The following CNTNAP2 variants were observed in gnomAD, a reference collection of about 807,000 sequenced individuals.
The protein encoded by CNTNAP2 is contactin-associated protein-like 2.
CNTNAP2 carries 98 observed loss-of-function variants against 155.2 expected under a neutral mutation model. That is an observed-to-expected ratio of 0.63 (90% CI 0.54 to 0.75). The LOEUF (loss-of-function observed/expected upper bound fraction) is 0.75, where lower values mean the gene tolerates loss of function less well. Among genes scored for constraint, CNTNAP2 ranks in the 30% least tolerant of loss-of-function variants. The pLI is 0.00. For missense variants in CNTNAP2, 1,727 were observed against 1,688.1 expected (o/e 1.02, Z -0.40); for synonymous variants, 651 against 631.2 (o/e 1.03, Z -0.47).
intron 13 of CNTNAP2, among the ~76,000 whole-genome samples, chr7:147,775,582 G>A (rs1220018243): frequency 6.8e-6 from 1 of 146,652 alleles, no homozygotes; most frequent in Non-Finnish European, 1.5e-5. Context: ...TTATTGTGGG[G>A]ATCAGAAAAG....
In CNTNAP2 at chr7:146,918,035, AC is replaced by A. The variant is rs1226129094; in HGVS notation, c.402+78133del. ...CTTTTGGTGTTCATTTGCATGAAAT[AC>A]CTTTTTCCACCCCTTTACCTTAAGT... On this transcript the variant is annotated intron_variant, in intron 3 of 23. Coordinates refer to ENST00000361727, the MANE Select transcript of CNTNAP2 (RefSeq NM_014141.6). 2.0e-5 allele frequency among the ~76,000 whole-genome samples: 3 copies of A among 152,090 alleles called. No homozygotes were observed. The East Asian group carries it at 5.8e-4, about 29-fold the overall frequency.
intron 13 of CNTNAP2, among the ~76,000 whole-genome samples, chr7:147,706,233 TC>T: frequency 6.6e-6 from 1 of 151,746 alleles, no homozygotes; most frequent in Non-Finnish European, 1.5e-5. Context: ...GTGGGTTTTA[TC>T]CTTTCATGTG....
intron 3 of CNTNAP2, among the ~76,000 whole-genome samples, chr7:146,996,942 G>A (rs2129239975): frequency 6.6e-6 from 1 of 152,184 alleles, no homozygotes; most frequent in East Asian, 1.9e-4. Context: ...GTTTTATAAG[G>A]GGAGGCTCCT....
intron 2 of CNTNAP2, among the ~76,000 whole-genome samples, chr7:146,790,598 C>CT (rs1354002250): frequency 7.0e-6 from 1 of 143,528 alleles, no homozygotes; most frequent in Non-Finnish European, 1.5e-5. Flanking sequence ...AAGACGGAGT[C>CT]TCGCTCTGTC....
chr7:146,211,846 T>C (rs1799039895), intron 1 of CNTNAP2, among the ~76,000 whole-genome samples: 1 of 152,096 alleles, frequency 6.6e-6, no homozygotes, highest in South Asian at 2.1e-4. Context: ...AAGAATTTTC[T>C]GTAGAGTATA....
intron 15 of CNTNAP2, among the ~76,000 whole-genome samples, chr7:148,035,927 G>C (rs1802565898): frequency 6.6e-6 from 1 of 152,216 alleles, no homozygotes; most frequent in Admixed American, 6.5e-5. Context: ...TTATTCTGGA[G>C]TCTTAAGATT....
At chr7:147,695,282 A>T (rs1409012988) in intron 13 of CNTNAP2, among the ~76,000 whole-genome samples, 1 of 152,132 alleles carries the variant, frequency 6.6e-6, no homozygotes, top group Non-Finnish European at 1.5e-5. Flanking sequence ...TGAATATTTT[A>T]TGTGAGTCTG....
rs561886157 is a variant in CNTNAP2, at chr7:148,396,512, A to C, written c.3715+12624A>C. Reference sequence around the variant, plus strand: ...CCCAGGTGTGAATTCTCACAGGGGAATCTCTGTCAGTCACCACCTGGAAAT... The same window carrying C: ...CCCAGGTGTGAATTCTCACAGGGGACTCTCTGTCAGTCACCACCTGGAAAT... On this transcript the variant is annotated intron_variant, in intron 22 of 23. Coordinates refer to ENST00000361727, the MANE Select transcript of CNTNAP2 (RefSeq NM_014141.6). Among the ~76,000 whole-genome samples the C allele has an allele frequency of 5.3e-5, 8 of 152,124 alleles. No individual in the cohort carries two copies. The South Asian group carries it at 6.2e-4, about 12-fold the overall frequency.
intron 1 of CNTNAP2, among the ~76,000 whole-genome samples, chr7:146,288,047 G>T (rs1428834350): frequency 6.6e-6 from 1 of 152,070 alleles, no homozygotes; most frequent in Admixed American, 6.5e-5. Flanking sequence ...AGGAGCAGTG[G>T]CCCACACCCA....
intron 1 of CNTNAP2, among the ~76,000 whole-genome samples, chr7:146,208,488 T>C (rs1798983580): frequency 1.3e-5 from 2 of 152,078 alleles, no homozygotes; most frequent in Admixed American, 1.3e-4. Flanking sequence ...ACCCTTTGAT[T>C]TCTTGCTGAT....
intron 4 of CNTNAP2, among the ~76,000 whole-genome samples, chr7:147,068,268 T>G: frequency 6.6e-6 from 1 of 152,172 alleles, no homozygotes; most frequent in Non-Finnish European, 1.5e-5. Context: ...CCTTCTTGGG[T>G]TGGCCAATCA....
At chr7:147,404,287 A>T (rs911493428) in intron 10 of CNTNAP2, among the ~76,000 whole-genome samples, 5 of 152,208 alleles carry the variant, frequency 3.3e-5, no homozygotes, top group African/African-American at 1.2e-4. Context: ...TTCTGAAAGA[A>T]CTTGAGCCAA....
At chr7:146,664,488 C>T (rs1212327353) in intron 1 of CNTNAP2, among the ~76,000 whole-genome samples, 1 of 151,970 alleles carries the variant, frequency 6.6e-6, no homozygotes, top group Non-Finnish European at 1.5e-5. Flanking sequence ...AATATAAAAT[C>T]AACACTGCAT....
chr7:147,780,808 C>T (rs1321216642), intron 13 of CNTNAP2, among the ~76,000 whole-genome samples: 3 of 152,172 alleles, frequency 2.0e-5, no homozygotes, highest in Admixed American at 1.3e-4. Flanking sequence ...AATAAGGCTT[C>T]AGGTATGTGC....
chr7:146,831,488 C>T (rs569240894), intron 2 of CNTNAP2, among the ~76,000 whole-genome samples: 11 of 151,810 alleles, frequency 7.2e-5, no homozygotes, highest in Admixed American at 6.6e-4. Context: ...CCAGCTTAGT[C>T]AACATGGTGA....
intron 1 of CNTNAP2, among the ~76,000 whole-genome samples, chr7:146,393,951 C>T (rs1795582786): frequency 6.6e-6 from 1 of 152,064 alleles, no homozygotes; most frequent in Admixed American, 6.6e-5. Context: ...GACTAAGAAG[C>T]AAAAATATAT....
At chr7:146,523,717 G>A (rs1206001755) in intron 1 of CNTNAP2, among the ~76,000 whole-genome samples, 1 of 152,082 alleles carries the variant, frequency 6.6e-6, no homozygotes, top group Non-Finnish European at 1.5e-5. Flanking sequence ...AATGCCTATT[G>A]TTAAAGCTTC....
intron 1 of CNTNAP2, among the ~76,000 whole-genome samples, chr7:146,223,735 A>G (rs1799245832): frequency 6.6e-6 from 1 of 152,232 alleles, no homozygotes; most frequent in African/African-American, 2.4e-5. Context: ...GTAGCTATGG[A>G]AGATATGCAA....
At chr7:146,770,317 TACAC>T (rs60507060) in intron 1 of CNTNAP2, among the ~76,000 whole-genome samples, 2,467 of 143,728 alleles carry the variant, frequency 0.017, 40 homozygotes, top group African/African-American at 0.041. Flanking sequence ...TGTGTGTGTA[TACAC>T]ACACACACAC....
Sources: allele counts gnomAD v4.1 joint callset (sites outside exome capture counted in the v4.1 genomes callset), GRCh38; gene constraint gnomAD v4.1.1; transcripts MANE v1.5; gene names NCBI Gene and HGNC (gene_info 2026-07-23, HGNC 2026-07-21).